Variants in TNIK observed in about 807,000 individuals in gnomAD.
TNIK encodes TRAF2 and NCK interacting kinase, also known as TRAF2 and NCK-interacting protein kinase.
Under a neutral mutation model 191.3 loss-of-function variants are expected in TNIK, and 49 were observed. The ratio of observed to expected loss-of-function variants is 0.26; its 90% CI spans 0.20 to 0.32. The LOEUF (loss-of-function observed/expected upper bound fraction) is 0.32, where lower values mean the gene tolerates loss of function less well. Among genes scored for constraint, TNIK ranks in the 10% least tolerant of loss-of-function variants. The probability of loss-of-function intolerance (pLI) is 1.00; values close to 1 mark genes in which losing one functional copy is unlikely to be tolerated. For missense variants in TNIK, 1,155 were observed against 1,702.3 expected (o/e 0.68, Z 5.66); for synonymous variants, 594 against 600.9 (o/e 0.99, Z 0.17).
intron 3 of TNIK, among the ~76,000 whole-genome samples, chr3:171,224,748 G>C (rs1320532455): frequency 6.6e-6 from 1 of 152,090 alleles, no homozygotes; most frequent in African/African-American, 2.4e-5. Flanking sequence ...AGATGCCGTA[G>C]GTCAATCTAG....
intron 15 of TNIK, among the ~76,000 whole-genome samples, chr3:171,130,989 C>A (rs532415642): frequency 3.0e-4 from 45 of 152,192 alleles, no homozygotes; most frequent in Middle Eastern, 3.4e-3. Flanking sequence ...AGAAAGAATT[C>A]TTTTGGGAAG....
At chr3:171,365,254 C>G (rs779408571) in intron 2 of TNIK, among the ~76,000 whole-genome samples, 1 of 134,410 alleles carries the variant, frequency 7.4e-6, no homozygotes, top group Non-Finnish European at 1.5e-5. Flanking sequence ...GCGATCTCAG[C>G]TCACCAGAAC....
At chr3:171,205,828 T>A (rs1475563730) in intron 4 of TNIK, among the ~76,000 whole-genome samples, 1 of 152,156 alleles carries the variant, frequency 6.6e-6, no homozygotes. Flanking sequence ...TGCAGACTGT[T>A]AACTTCTCAG....
chr3:171,291,676 T>C (rs1751700229), intron 2 of TNIK, among the ~76,000 whole-genome samples: 1 of 152,228 alleles, frequency 6.6e-6, no homozygotes, highest in Non-Finnish European at 1.5e-5. Flanking sequence ...ATTTTCTCTT[T>C]AATTTTTAGC....
intron 12 of TNIK, among the ~76,000 whole-genome samples, chr3:171,155,803 G>A (rs1733094049): frequency 6.6e-6 from 1 of 152,202 alleles, no homozygotes; most frequent in South Asian, 2.1e-4. Context: ...GCCAGATGAG[G>A]GATGTGGAAA....
intron 17 of TNIK, 47 bp downstream of exon 17, chr3:171,125,865 T>C (rs1173332672): frequency 1.2e-6 from 2 of 1,600,130 alleles, no homozygotes; most frequent in South Asian, 1.1e-5. Context: ...GTAATAAAAA[T>C]CATCAGTGAT....
chr3:171,152,769 GTTTTTTGTT>G (rs1186438735), intron 12 of TNIK, among the ~76,000 whole-genome samples: 3 of 88,846 alleles, frequency 3.4e-5, no homozygotes, highest in African/African-American at 5.2e-5. Context: ...TTTGTTTTTT[GTTTTTTGTT>G]TTTTTTTTTT....
chr3:171,453,496 G>A (rs1412314187), intron 1 of TNIK, among the ~76,000 whole-genome samples: 3 of 152,176 alleles, frequency 2.0e-5, no homozygotes, highest in African/African-American at 7.2e-5. Context: ...GCAGAGCTCG[G>A]TGGGAGGCCC....
chr3:171,135,318 A>G (rs537543428), intron 15 of TNIK, among the ~76,000 whole-genome samples: 1 of 152,360 alleles, frequency 6.6e-6, no homozygotes, highest in Admixed American at 6.5e-5. Flanking sequence ...GCATTAAAAG[A>G]TCAAGAATGT....
chr3:171,090,254 A>C (rs1203183048), intron 23 of TNIK, among the ~76,000 whole-genome samples: 1 of 152,156 alleles, frequency 6.6e-6, no homozygotes, highest in Admixed American at 6.5e-5. Context: ...AGACCTGCAC[A>C]TGAGAAGCTG....
In TNIK at chr3:171,140,451, T is replaced by C. The variant is rs369865876; in HGVS notation, c.1280A>G (p.Tyr427Cys). The C allele has an allele frequency of 8.7e-6, 14 of 1,612,104 alleles. No homozygotes were observed. Among genetic ancestry groups the C allele is most frequent in the Non-Finnish European group, 1.2e-5 (14 of 1,179,162 alleles). ...CTCCTCCCGGCGCATCTGCTCCTCA[T>C]AGTGCCGGCGCTGCTCCCTCTCCTG... The part of the protein sequence containing the change: ...KQQEREQRRH[Y>C]EEQMRREEER... Residue 427 changes from tyrosine (Y) to cysteine (C), a missense_variant, in exon 13 of 33, where the codon TAT (tyrosine) becomes TGT (cysteine). By Grantham distance (194) the Tyr-to-Cys change is radical. Coordinates refer to ENST00000436636, the MANE Select transcript of TNIK (RefSeq NM_015028.4).
intron 2 of TNIK, among the ~76,000 whole-genome samples, chr3:171,268,733 T>A (rs1408628801): frequency 6.6e-6 from 1 of 151,992 alleles, no homozygotes; most frequent in African/African-American, 2.4e-5. Context: ...AAAGAAGGGC[T>A]GGGTGGTGTG....
At position 171,232,186 on chromosome 3, in the gene TNIK, T is replaced by C. The variant is rs138077454; in HGVS notation, c.124-3965A>G. Among the ~76,000 whole-genome samples, 304 of 152,084 alleles carry C rather than the reference T, an allele frequency of 2.0e-3. 2 individuals are homozygous for C. Among genetic ancestry groups the C allele is most frequent in the African/African-American group, 7.2e-3 (297 of 41,484 alleles). On this transcript the variant is annotated intron_variant, in intron 2 of 32. Coordinates refer to ENST00000436636, the MANE Select transcript of TNIK (RefSeq NM_015028.4). ...AATATAGACACCATCTAAATTTAGA[T>C]CTAAAATACATGTTTCAAGCTGGTG...
intron 2 of TNIK, among the ~76,000 whole-genome samples, chr3:171,267,973 C>G (rs182933452): frequency 6.6e-6 from 1 of 152,306 alleles, no homozygotes; most frequent in East Asian, 1.9e-4. Flanking sequence ...GCCTCAGCCA[C>G]CCTTTCATTC....
chr3:171,285,421 T>C (rs1009430220), intron 2 of TNIK, among the ~76,000 whole-genome samples: 1 of 152,138 alleles, frequency 6.6e-6, no homozygotes, highest in Non-Finnish European at 1.5e-5. Context: ...AGTAAAAGTG[T>C]AGAGGTGGTG....
At chr3:171,448,220 G>A (rs900331890) in intron 1 of TNIK, among the ~76,000 whole-genome samples, 7 of 152,074 alleles carry the variant, frequency 4.6e-5, no homozygotes, top group Admixed American at 1.3e-4. Context: ...GTGTACAAGT[G>A]ACTTTTAGTA....
At chr3:171,111,668 C>G (rs1576849582) in intron 18 of TNIK, among the ~76,000 whole-genome samples, 4 of 152,264 alleles carry the variant, frequency 2.6e-5, no homozygotes, top group Admixed American at 2.6e-4. Flanking sequence ...GGATATATAT[C>G]CAAAGGAAAT....
At chr3:171,212,931 A>C (rs1741013627) in intron 3 of TNIK, among the ~76,000 whole-genome samples, 1 of 152,138 alleles carries the variant, frequency 6.6e-6, no homozygotes, top group Non-Finnish European at 1.5e-5. Context: ...AGCATGTTAC[A>C]TATCACATGG....
chr3:171,256,014 A>G (rs1211744461), intron 2 of TNIK, among the ~76,000 whole-genome samples: 2 of 152,172 alleles, frequency 1.3e-5, no homozygotes, highest in African/African-American at 4.8e-5. Context: ...AGAATTATAG[A>G]ATAAAGTATT....
Sources: allele counts gnomAD v4.1 joint callset (sites outside exome capture counted in the v4.1 genomes callset), GRCh38; gene constraint gnomAD v4.1.1; transcripts MANE v1.5; gene names NCBI Gene and HGNC (gene_info 2026-07-23, HGNC 2026-07-21).